Variants in KAT2B observed in about 807,000 individuals in gnomAD.
The protein encoded by KAT2B is histone acetyltransferase KAT2B.
A neutral mutation model predicts 105.9 loss-of-function variants in KAT2B; 36 were observed. The ratio of observed to expected loss-of-function variants is 0.34; its 90% CI spans 0.26 to 0.45. The LOEUF is 0.45. Among genes scored for constraint, KAT2B ranks in the 20% least tolerant of loss-of-function variants. The pLI, the probability that KAT2B is intolerant of heterozygous loss-of-function variation, is 1.00. For synonymous variants in KAT2B, 397 were observed against 377.9 expected, an observed-to-expected ratio of 1.05 and a Z score of -0.59; for missense variants, 820 against 1,021.6, an observed-to-expected ratio of 0.80 and a Z score of 2.69.
chr3:20,099,204 G>A (rs896097763), intron 3 of KAT2B, among the ~76,000 whole-genome samples: 1 of 152,068 alleles, frequency 6.6e-6, no homozygotes, highest in African/African-American at 2.4e-5. Flanking sequence ...TTGTTTTGTG[G>A]GCATTGAGAT....
chr3:20,119,776 A>G, intron 8 of KAT2B, 53 bp downstream of exon 8: 1 of 1,601,762 alleles, frequency 6.2e-7, no homozygotes, highest in East Asian at 2.2e-5. Context: ...CAGGAGCTCC[A>G]TTACCTGAGG....
chr3:20,133,880 CAT>C (rs533259050), intron 11 of KAT2B, among the ~76,000 whole-genome samples: 10 of 152,158 alleles, frequency 6.6e-5, no homozygotes, highest in Non-Finnish European at 1.5e-4. Flanking sequence ...TGAGGTCGAA[CAT>C]ATCTCTTATA....
intron 1 of KAT2B, among the ~76,000 whole-genome samples, chr3:20,060,123 C>T (rs967038119): frequency 1.3e-5 from 2 of 152,162 alleles, no homozygotes; most frequent in East Asian, 1.9e-4. Context: ...TTTGCTTATG[C>T]GTTAACTAGT....
At chr3:20,059,952 T>G (rs1698071411) in intron 1 of KAT2B, among the ~76,000 whole-genome samples, 1 of 152,192 alleles carries the variant, frequency 6.6e-6, no homozygotes, top group Non-Finnish European at 1.5e-5. Flanking sequence ...ATTTGCCTTT[T>G]CTGGATGGTC....
At chr3:20,090,049 A>C (rs910003140) in intron 2 of KAT2B, among the ~76,000 whole-genome samples, 3 of 151,862 alleles carry the variant, frequency 2.0e-5, no homozygotes, top group African/African-American at 4.8e-5. Flanking sequence ...TTGTGTGTTG[A>C]TTTTGTATCC....
chr3:20,146,289 A>C (rs1262434610), intron 13 of KAT2B, 27 bp from the exon 14 acceptor site: 2 of 1,331,376 alleles, frequency 1.5e-6, no homozygotes, highest in Non-Finnish European at 1.1e-6. Context: ...TCTTTCCCTA[A>C]ACACATTTCC....
chr3:20,102,825 A>C (rs1200903102), intron 5 of KAT2B, among the ~76,000 whole-genome samples: 1 of 152,176 alleles, frequency 6.6e-6, no homozygotes, highest in East Asian at 1.9e-4. Context: ...AGGGAGCTTT[A>C]GTGCCTACTT....
rs772944315 is a variant in KAT2B at position 20,111,556 on chromosome 3, T to G, written c.852-40T>G. On this transcript the variant is annotated intron_variant, in intron 5 of 17. Transcript: ENST00000263754. ...TTGAATATTTCTGATGACCTGGGGG[T>G]TTATGGGATATTGATGGTGCTTGAC... The G allele has an allele frequency of 2.8e-5, 42 of 1,512,546 alleles. No individual in the cohort carries two copies. The Admixed American group carries it at 8.0e-4, about 29-fold the overall frequency. The allele number at this position is 1,512,546 out of a possible 1,614,324, so 93.7% of individuals were successfully genotyped here.
chr3:20,148,536 G>C (rs766543832), intron 17 of KAT2B, 49 bp downstream of exon 17: 2 of 1,309,674 alleles, frequency 1.5e-6, no homozygotes, highest in Non-Finnish European at 2.1e-6. Context: ...TCTGGATGGC[G>C]GTGTGGGGGA....
At chr3:20,068,670 T>C (rs915276222) in intron 1 of KAT2B, among the ~76,000 whole-genome samples, 2 of 152,120 alleles carry the variant, frequency 1.3e-5, no homozygotes, top group Non-Finnish European at 2.9e-5. Context: ...TGTTTCATAG[T>C]CAATAGTACC....
chr3:20,126,036 G>C lies in KAT2B; in HGVS notation c.1545G>C (p.Leu515=), dbSNP rs746086370. The C allele has an allele frequency of 1.2e-6, 2 of 1,614,142 alleles. No homozygotes were observed. The highest frequency in any genetic ancestry group is 2.2e-5 in the East Asian group (1 of 44,876). The change falls in exon 10 of 18, where the codon CTG becomes CTC. Residue 515 remains leucine (L), a synonymous_variant. Transcript: ENST00000263754. The part of the protein sequence containing the change: ...QKPNKKILMW[L]VGLQNVFSHQ... ...CAAACAAGAAGATCCTGATGTGGCT[G>C]GTTGGCCTACAGAACGTTTTCTCCC...
chr3:20,121,726 ATGCATATGTGTG>A (rs1229472241), intron 8 of KAT2B, among the ~76,000 whole-genome samples: 39 of 121,164 alleles, frequency 3.2e-4, no homozygotes, highest in African/African-American at 1.2e-3. Context: ...ACATACACAT[ATGCATATGTGTG>A]TGTGTGTGTG....
intron 5 of KAT2B, 66 bp from the exon 6 acceptor site, chr3:20,111,530 A>G: frequency 7.7e-7 from 1 of 1,299,456 alleles, no homozygotes; most frequent in South Asian, 1.4e-5. Context: ...GATAAACATA[A>G]TTGAATATTT....
intron 17 of KAT2B, chr3:20,148,784 CTT>C (rs1194282679): frequency 1.4e-5 from 4 of 290,286 alleles, no homozygotes; most frequent in Non-Finnish European, 2.6e-5. Context: ...TTAGATATAA[CTT>C]TGCTTATATT....
In KAT2B at chr3:20,152,586, T is replaced by C. The variant is rs1170322376; in HGVS notation, c.*61T>C. The stretch of plus-strand genomic sequence containing the variant: ...GCAGTGTGCCTAAAGCAAGGTGGTT[T>C]AGTTTTTTACAAAGAATTGGACATG... On this transcript the variant is annotated 3_prime_UTR_variant, in exon 18 of 18. Transcript: ENST00000263754. The C allele has an allele frequency of 7.3e-7, 1 of 1,369,192 alleles. No individual in the cohort carries two copies. The highest frequency in any genetic ancestry group is 1.9e-5 in the Admixed American group (1 of 52,700). The allele number at this position is 1,369,192 out of a possible 1,614,324, so 84.8% of individuals were successfully genotyped here.
chr3:20,077,324 C>T (rs1194842538), intron 2 of KAT2B, among the ~76,000 whole-genome samples: 1 of 152,096 alleles, frequency 6.6e-6, no homozygotes, highest in African/African-American at 2.4e-5. Context: ...GCCTGGGAGA[C>T]AGAGCAAAAC....
intron 11 of KAT2B, among the ~76,000 whole-genome samples, chr3:20,132,200 C>T (rs926060957): frequency 6.6e-6 from 1 of 152,028 alleles, no homozygotes; most frequent in Non-Finnish European, 1.5e-5. Flanking sequence ...CATGGTGAAA[C>T]CCCATCTCTA....
chr3:20,135,898 A>G (rs1575155150), intron 11 of KAT2B, among the ~76,000 whole-genome samples: 2 of 152,356 alleles, frequency 1.3e-5, no homozygotes, highest in East Asian at 1.9e-4. Flanking sequence ...ATCTTGGGTG[A>G]ACGTTAGGAA....
chr3:20,068,870 G>GT (rs1403247237), intron 1 of KAT2B, among the ~76,000 whole-genome samples: 27 of 152,178 alleles, frequency 1.8e-4, no homozygotes, highest in African/African-American at 6.5e-4. Flanking sequence ...CTAACTTAAG[G>GT]TCCTTTGGGA....
Sources: allele counts gnomAD v4.1 joint callset (sites outside exome capture counted in the v4.1 genomes callset), GRCh38; gene constraint gnomAD v4.1.1; transcripts MANE v1.5; gene names NCBI Gene and HGNC (gene_info 2026-07-23, HGNC 2026-07-21).